Variants in SLC49A4 observed in about 807,000 individuals in gnomAD.
SLC49A4 encodes the protein solute carrier family 49 member 4, also known as disrupted in renal cancer protein 2.
SLC49A4 carries 36 observed loss-of-function variants against 50.6 expected under a neutral mutation model. The observed-to-expected ratio is 0.71, with a 90% CI of 0.55 to 0.94. The LOEUF is 0.94. Among genes scored for constraint, SLC49A4 ranks in the 40% least tolerant of loss-of-function variants. The pLI is 0.00. For missense variants in SLC49A4, 503 were observed against 605.7 expected (o/e 0.83, Z 1.78); for synonymous variants, 248 against 241.2 (o/e 1.03, Z -0.26).
At chr3:122,842,345 G>A (rs1342316898) in intron 4 of SLC49A4, among the ~76,000 whole-genome samples, 1 of 151,964 alleles carries the variant, frequency 6.6e-6, no homozygotes, top group African/African-American at 2.4e-5. Context: ...AATTAACCGG[G>A]CTTGGTAGCG....
At chr3:122,811,221 A>G (rs1181762913) in intron 2 of SLC49A4, among the ~76,000 whole-genome samples, 5 of 152,372 alleles carry the variant, frequency 3.3e-5, no homozygotes, top group East Asian at 1.9e-4. Context: ...TAGCAACTCA[A>G]TAGGAAAATA....
At chr3:122,850,426 A>G (rs1029851749) in intron 5 of SLC49A4, among the ~76,000 whole-genome samples, 4 of 152,232 alleles carry the variant, frequency 2.6e-5, no homozygotes, top group African/African-American at 9.6e-5. Flanking sequence ...ATCTTGGGGT[A>G]AATGCTGCAG....
At chr3:122,877,910 CT>C (rs1937285663) in intron 8 of SLC49A4, among the ~76,000 whole-genome samples, 1 of 152,108 alleles carries the variant, frequency 6.6e-6, no homozygotes, top group Non-Finnish European at 1.5e-5. Flanking sequence ...GAGAAAACAG[CT>C]TTGCATAAAA....
chr3:122,828,316 C>T (rs1228153800), intron 3 of SLC49A4, among the ~76,000 whole-genome samples: 2 of 152,034 alleles, frequency 1.3e-5, no homozygotes, highest in Non-Finnish European at 1.5e-5. Flanking sequence ...TCTGAGAGCT[C>T]GGAGAAGGAG....
At chr3:122,808,804 G>A (rs1261095546) in intron 2 of SLC49A4, among the ~76,000 whole-genome samples, 4 of 152,194 alleles carry the variant, frequency 2.6e-5, no homozygotes, top group African/African-American at 7.2e-5. Context: ...TGGTGGCAGT[G>A]GGAGTGGTGA....
intron 2 of SLC49A4, among the ~76,000 whole-genome samples, chr3:122,823,254 A>T (rs1207851926): frequency 6.6e-6 from 1 of 152,178 alleles, no homozygotes; most frequent in Non-Finnish European, 1.5e-5. Context: ...GGCCTAAGGG[A>T]TAGCTAAGGG....
intron 7 of SLC49A4, among the ~76,000 whole-genome samples, chr3:122,869,797 G>A (rs1250053212): frequency 2.0e-5 from 3 of 152,226 alleles, no homozygotes; most frequent in Non-Finnish European, 2.9e-5. Context: ...TTCTTAATAA[G>A]CATGAAATGA....
At chr3:122,854,139 G>C (rs1936957241) in intron 5 of SLC49A4, among the ~76,000 whole-genome samples, 2 of 152,198 alleles carry the variant, frequency 1.3e-5, no homozygotes, top group Admixed American at 1.3e-4. Flanking sequence ...ATAGATACCA[G>C]ATGTGCTGCA....
At chr3:122,868,735 C>T (rs1028508159) in intron 7 of SLC49A4, among the ~76,000 whole-genome samples, 1 of 152,300 alleles carries the variant, frequency 6.6e-6, no homozygotes, top group Non-Finnish European at 1.5e-5. Flanking sequence ...TCTGCATTTC[C>T]ACATGTCCAA....
intron 7 of SLC49A4, among the ~76,000 whole-genome samples, chr3:122,870,400 A>G (rs1937181612): frequency 6.6e-6 from 1 of 151,518 alleles, no homozygotes; most frequent in Admixed American, 6.6e-5. Flanking sequence ...TATTATTTGG[A>G]GAAACAGGGT....
intron 4 of SLC49A4, among the ~76,000 whole-genome samples, chr3:122,837,197 C>A (rs551999241): frequency 2.0e-3 from 304 of 152,154 alleles, no homozygotes; most frequent in African/African-American, 7.1e-3. Context: ...TCTTCACAGA[C>A]TTGGAAAAAA....
chr3:122,861,090 C>T lies in SLC49A4; in HGVS notation c.1138+888C>T, dbSNP rs903660644. 2.6e-5 allele frequency among the ~76,000 whole-genome samples: 4 copies of T among 152,298 alleles called. 1 individual carries two copies. In the South Asian group the frequency reaches 8.3e-4, roughly 32 times the overall value. The stretch of plus-strand genomic sequence containing the variant: ...ACCCTTCCCTTCTGCCTTCTTCTTT[C>T]TTCCTCTTCCACTTTTAAGGATGCT... On this transcript the variant is annotated intron_variant, in intron 7 of 8. Coordinates refer to ENST00000261038, the MANE Select transcript of SLC49A4 (RefSeq NM_032839.3).
At chr3:122,868,109 C>T (rs986111860) in intron 7 of SLC49A4, among the ~76,000 whole-genome samples, 3 of 149,894 alleles carry the variant, frequency 2.0e-5, no homozygotes, top group South Asian at 2.1e-4. Flanking sequence ...AGCGAGACTC[C>T]GTCTCCAAAA....
chr3:122,833,929 C>T (rs942856430), intron 4 of SLC49A4, among the ~76,000 whole-genome samples: 40 of 152,072 alleles, frequency 2.6e-4, no homozygotes, highest in African/African-American at 8.4e-4. Flanking sequence ...ATTTTCTGTA[C>T]GAGCAGTAGG....
At chr3:122,869,393 A>G (rs1937166001) in intron 7 of SLC49A4, among the ~76,000 whole-genome samples, 1 of 152,236 alleles carries the variant, frequency 6.6e-6, no homozygotes, top group Non-Finnish European at 1.5e-5. Flanking sequence ...TAATATTATT[A>G]TAATACATAC....
At chr3:122,808,284 A>G (rs911073662) in intron 2 of SLC49A4, among the ~76,000 whole-genome samples, 5 of 152,242 alleles carry the variant, frequency 3.3e-5, no homozygotes, top group African/African-American at 1.2e-4. Flanking sequence ...AACTAGATAA[A>G]TAAGTAAAAT....
chr3:122,879,176 A>G (rs1937302458), intron 8 of SLC49A4, 87 bp from the exon 9 acceptor site: 2 of 944,100 alleles, frequency 2.1e-6, no homozygotes, highest in Non-Finnish European at 3.4e-6. Context: ...GTACTTTTTA[A>G]TGCAGAGCAG....
intron 6 of SLC49A4, among the ~76,000 whole-genome samples, chr3:122,857,840 T>C (rs1937007624): frequency 6.6e-6 from 1 of 152,138 alleles, no homozygotes; most frequent in Admixed American, 6.5e-5. Context: ...GGGGAACAAT[T>C]ATGTATCAAA....
intron 4 of SLC49A4, among the ~76,000 whole-genome samples, chr3:122,834,565 G>A (rs897893694): frequency 3.3e-5 from 5 of 152,084 alleles, no homozygotes; most frequent in South Asian, 4.1e-4. Context: ...CAAAAGCAGC[G>A]CTAAGAGGAA....
Sources: allele counts gnomAD v4.1 joint callset (sites outside exome capture counted in the v4.1 genomes callset), GRCh38; gene constraint gnomAD v4.1.1; transcripts MANE v1.5; gene names NCBI Gene and HGNC (gene_info 2026-07-23, HGNC 2026-07-21).